The following CLPB variants were observed in gnomAD, a reference collection of about 807,000 sequenced individuals.
The protein encoded by CLPB is ClpB family mitochondrial disaggregase.
CLPB carries 40 observed loss-of-function variants against 78.4 expected under a neutral mutation model. The ratio of observed to expected loss-of-function variants is 0.51; its 90% CI spans 0.40 to 0.66. The LOEUF (loss-of-function observed/expected upper bound fraction) is 0.66. CLPB is among the 30% of genes least tolerant of loss of function. The pLI is 0.00. For missense variants in CLPB, 780 were observed against 886.9 expected (o/e 0.88, Z 1.53); for synonymous variants, 333 against 348.0 (o/e 0.96, Z 0.48).
intron 3 of CLPB, among the ~76,000 whole-genome samples, chr11:72,390,372 A>C (rs763110838): frequency 7.4e-5 from 11 of 149,184 alleles, no homozygotes; most frequent in Non-Finnish European, 1.3e-4. Flanking sequence ...CAGGAGGCAG[A>C]GGTTGCAGTG....
intron 3 of CLPB, among the ~76,000 whole-genome samples, chr11:72,381,808 G>T (rs1164423891): frequency 1.3e-5 from 2 of 152,112 alleles, no homozygotes; most frequent in African/African-American, 4.8e-5. Flanking sequence ...CTTAGGCACT[G>T]GGCCAGCACC....
chr11:72,334,450 CCATCTAATATTAGTA>C (rs1950284626), intron 5 of CLPB, among the ~76,000 whole-genome samples: 1 of 152,226 alleles, frequency 6.6e-6, no homozygotes, highest in Admixed American at 6.5e-5. Context: ...TGGATAGTGT[CCATCTAATATTAGTA>C]CCCCAGCCCT....
At chr11:72,338,530 C>A (rs561792616) in intron 5 of CLPB, among the ~76,000 whole-genome samples, 155 of 152,326 alleles carry the variant, frequency 1.0e-3, no homozygotes, top group African/African-American at 3.6e-3. Flanking sequence ...CTATACTGGG[C>A]TACCACTGTT....
chr11:72,335,214 A>C (rs952785802), intron 5 of CLPB, among the ~76,000 whole-genome samples: 5 of 152,126 alleles, frequency 3.3e-5, no homozygotes, highest in African/African-American at 1.2e-4. Flanking sequence ...AAGGTAAAGC[A>C]GTGGCAATGG....
intron 4 of CLPB, among the ~76,000 whole-genome samples, chr11:72,370,614 C>A (rs1304980959): frequency 6.6e-6 from 1 of 152,190 alleles, no homozygotes; most frequent in Non-Finnish European, 1.5e-5. Context: ...GAGATCTGAG[C>A]TGACTAAGCT....
At chr11:72,300,824 C>A (rs1214922398) in intron 11 of CLPB, among the ~76,000 whole-genome samples, 1 of 152,168 alleles carries the variant, frequency 6.6e-6, no homozygotes, top group Non-Finnish European at 1.5e-5. Context: ...GGCCTCATCC[C>A]CGGTTCAGTC....
rs1949387065 is a variant in CLPB, at chr11:72,286,223, G to GTTTTTTTTTTTTTGT, written c.*7143_*7144insACAAAAAAAAAAAAA. On this transcript the variant is annotated 3_prime_UTR_variant, in exon 16 of 16. Coordinates refer to ENST00000538039, the MANE Select transcript of CLPB (RefSeq NM_001258392.3). ...ATTACAGGTGTGAGATACTGCACCT[G>GTTTTTTTTTTTTTGT]TTTTTTTTTTTTTTTTTTTTTTTAA... 3.3e-5 allele frequency: 2 copies of GTTTTTTTTTTTTTGT among 60,450 alleles called. No individual in the cohort carries two copies. The highest frequency in any genetic ancestry group is 6.2e-5 in the Non-Finnish European group (2 of 32,212). 3.7% of individuals were successfully genotyped at this position (60,450 alleles called of 1,614,324 possible).
rs572832681 is a variant in CLPB at position 72,386,496 on chromosome 11, A to C, written c.543-6112T>G. On this transcript the variant is annotated intron_variant, in intron 3 of 15. Coordinates refer to ENST00000538039, the MANE Select transcript of CLPB (RefSeq NM_001258392.3). ...TAACCAGTAATGTTGATGGTTTCCC[A>C]CGTACCATTTGGTTTGAATTTCATT... 1.5e-3 allele frequency among the ~76,000 whole-genome samples: 229 copies of C among 152,334 alleles called. 3 individuals carry two copies. The South Asian group carries it at 0.046, about 31-fold the overall frequency.
chr11:72,317,130 T>C lies in CLPB; in HGVS notation c.964A>G (p.Ser322Gly), dbSNP rs374708770. The change falls in exon 7 of 16, where the codon AGC becomes GGC. Residue 322 changes from serine to glycine, a missense_variant. Coordinates refer to ENST00000538039, the MANE Select transcript of CLPB (RefSeq NM_001258392.3). ...CCAGCACCCACTGTGGCGATGGCGC[T>C]CTCCTGGCCAATGATGTGCTCCTTT... is the stretch of plus-strand genomic sequence containing the variant. ...RLKEHIIGQE[S>G]AIATVGAAIR... 7 of 1,611,582 alleles carry C rather than the reference T, an allele frequency of 4.3e-6. No homozygotes were observed. The highest frequency in any genetic ancestry group is 5.1e-6 in the Non-Finnish European group (6 of 1,179,318).
At chr11:72,358,822 C>T (rs1590842695) in intron 5 of CLPB, 58 bp downstream of exon 5, 1 of 134,834 alleles carries the variant, frequency 7.4e-6, no homozygotes, top group East Asian at 2.6e-4. Context: ...CTCCACCCCC[C>T]CCACCCCACC....
intron 7 of CLPB, among the ~76,000 whole-genome samples, chr11:72,309,349 C>T (rs1408370121): frequency 6.6e-6 from 1 of 152,230 alleles, no homozygotes; most frequent in East Asian, 1.9e-4. Flanking sequence ...AAGGGCTATG[C>T]ATTCAATCTG....
chr11:72,337,934 T>C (rs1024699532), intron 5 of CLPB, among the ~76,000 whole-genome samples: 1 of 152,092 alleles, frequency 6.6e-6, no homozygotes, highest in Non-Finnish European at 1.5e-5. Flanking sequence ...GTGACACACA[T>C]TAAGTAACCT....
chr11:72,356,953 T>C (rs1950729053), intron 5 of CLPB: 1 of 152,226 alleles, frequency 6.6e-6, no homozygotes, highest in African/African-American at 2.4e-5. Flanking sequence ...TAGCTACAAA[T>C]GTCTTGCCAC....
intron 13 of CLPB, 38 bp from the exon 14 acceptor site, chr11:72,294,482 C>T: frequency 5.0e-6 from 8 of 1,613,352 alleles, no homozygotes; most frequent in East Asian, 2.2e-5. Context: ...AGCTCAGTGA[C>T]CCAGAGCGGG....
intron 3 of CLPB, among the ~76,000 whole-genome samples, chr11:72,394,605 T>C (rs1855349421): frequency 6.6e-6 from 1 of 152,168 alleles, no homozygotes; most frequent in Non-Finnish European, 1.5e-5. Context: ...TTGCCTGAGG[T>C]TGAGGCATGT....
chr11:72,418,243 G>A (rs1856081334), intron 2 of CLPB, among the ~76,000 whole-genome samples: 1 of 152,216 alleles, frequency 6.6e-6, no homozygotes, highest in African/African-American at 2.4e-5. Context: ...GTGCCAGCCA[G>A]CCTTGTGTGA....
intron 5 of CLPB, among the ~76,000 whole-genome samples, chr11:72,335,653 G>A (rs1950307683): frequency 6.6e-6 from 1 of 152,100 alleles, no homozygotes; most frequent in South Asian, 2.1e-4. Context: ...AGGTCTTTCG[G>A]CTTCCATCTT....
In CLPB at chr11:72,427,083, A is replaced by G. The variant is rs1047270955; in HGVS notation, c.455+3229T>C. On this transcript the variant is annotated intron_variant, in intron 2 of 15. Transcript: ENST00000538039. ...GCTTTGAAAGGTGTAAGCAGAGGAT[A>G]ATGAATACAGATGGCAGAGGGCCAT... Among the ~76,000 whole-genome samples the G allele has an allele frequency of 2.0e-5, 3 of 152,260 alleles. No homozygotes were observed. The East Asian group carries it at 5.8e-4, about 29-fold the overall frequency.
At chr11:72,399,031 C>T (rs950575358) in intron 3 of CLPB, among the ~76,000 whole-genome samples, 1 of 150,884 alleles carries the variant, frequency 6.6e-6, no homozygotes, top group African/African-American at 2.4e-5. Flanking sequence ...AATATGTTTG[C>T]TGAATATACA....
Sources: allele counts gnomAD v4.1 joint callset (sites outside exome capture counted in the v4.1 genomes callset), GRCh38; gene constraint gnomAD v4.1.1; transcripts MANE v1.5; gene names NCBI Gene and HGNC (gene_info 2026-07-23, HGNC 2026-07-21).